GRIN2A: variants seen among roughly 807,000 people sequenced by gnomAD.
GRIN2A encodes the protein glutamate receptor ionotropic, NMDA 2A.
In GRIN2A, 22 loss-of-function variants were observed where a neutral mutation model predicts 113.4. The observed-to-expected ratio is 0.19, with a 90% CI of 0.14 to 0.28. GRIN2A has a LOEUF of 0.28. GRIN2A is among the 10% of genes least tolerant of loss of function. GRIN2A has a pLI of 1.00. For missense variants in GRIN2A, 1,502 were observed against 1,887.0 expected, an observed-to-expected ratio of 0.80 and a Z score of 3.78; for synonymous variants, 827 against 738.4, an observed-to-expected ratio of 1.12 and a Z score of -1.94.
intron 2 of GRIN2A, among the ~76,000 whole-genome samples, chr16:9,987,451 A>G (rs1044407100): frequency 2.6e-5 from 4 of 152,238 alleles, no homozygotes; most frequent in African/African-American, 9.6e-5. Flanking sequence ...CCTATTCACT[A>G]AGAATAGTAG....
chr16:10,122,282 T>C (rs1409113340), intron 2 of GRIN2A, among the ~76,000 whole-genome samples: 1 of 152,196 alleles, frequency 6.6e-6, no homozygotes, highest in Admixed American at 6.5e-5. Context: ...CAAGATCCCC[T>C]TTTTTAGCAT....
intron 2 of GRIN2A, among the ~76,000 whole-genome samples, chr16:10,073,659 A>G (rs998376188): frequency 2.6e-5 from 4 of 152,152 alleles, no homozygotes; most frequent in Admixed American, 6.5e-5. Flanking sequence ...TGTCAAAATT[A>G]AAAACTTTTA....
At chr16:9,897,139 G>A (rs2141501412) in intron 3 of GRIN2A, among the ~76,000 whole-genome samples, 1 of 151,436 alleles carries the variant, frequency 6.6e-6, no homozygotes, top group East Asian at 1.9e-4. Context: ...TCATCCACTG[G>A]TGGTAAAGTG....
intron 4 of GRIN2A, among the ~76,000 whole-genome samples, chr16:9,889,409 G>A (rs547716927): frequency 3.4e-4 from 51 of 152,104 alleles, no homozygotes; most frequent in Non-Finnish European, 6.5e-4. Context: ...TCATTTCAAA[G>A]AACTAGCTTT....
At chr16:9,987,396 ATGT>A (rs1440446496) in intron 2 of GRIN2A, among the ~76,000 whole-genome samples, 1 of 152,222 alleles carries the variant, frequency 6.6e-6, no homozygotes. Context: ...AGCTAGAATA[ATGT>A]TGTTTTCTTT....
intron 4 of GRIN2A, among the ~76,000 whole-genome samples, chr16:9,874,464 G>A (rs1330038642): frequency 1.3e-5 from 2 of 152,284 alleles, no homozygotes; most frequent in Non-Finnish European, 1.5e-5. Context: ...GGTTCAGCAG[G>A]GAATCTTGTA....
At chr16:10,017,856 A>G (rs539146822) in intron 2 of GRIN2A, among the ~76,000 whole-genome samples, 5 of 152,302 alleles carry the variant, frequency 3.3e-5, no homozygotes, top group African/African-American at 1.2e-4. Context: ...TTAAATAAAG[A>G]CAAGATCCGA....
intron 2 of GRIN2A, among the ~76,000 whole-genome samples, chr16:10,096,854 TC>T (rs2048303827): frequency 6.6e-6 from 1 of 152,036 alleles, no homozygotes; most frequent in Admixed American, 6.6e-5. Flanking sequence ...TCTCCATCAC[TC>T]TCAAGCCACA....
chr16:9,778,583 A>G (rs947304427), intron 11 of GRIN2A, among the ~76,000 whole-genome samples: 7 of 152,250 alleles, frequency 4.6e-5, no homozygotes, highest in Admixed American at 1.3e-4. Context: ...TTTGAGAGCC[A>G]CTGGCTAAAC....
intron 10 of GRIN2A, among the ~76,000 whole-genome samples, chr16:9,812,164 T>C (rs1031269276): frequency 5.3e-5 from 8 of 152,204 alleles, no homozygotes; most frequent in Non-Finnish European, 7.3e-5. Context: ...TGGCGTAAGA[T>C]TGATCCCAGA....
At chr16:9,853,197 A>G (rs1319301976) in intron 4 of GRIN2A, among the ~76,000 whole-genome samples, 3 of 152,160 alleles carry the variant, frequency 2.0e-5, no homozygotes. Context: ...ATAGGTGGAG[A>G]CCAGAAAATG....
intron 8 of GRIN2A, among the ~76,000 whole-genome samples, 153 bp downstream of exon 8, chr16:9,833,952 C>A (rs879429650): frequency 6.6e-6 from 1 of 152,158 alleles, no homozygotes; most frequent in Non-Finnish European, 1.5e-5. Context: ...CTCCTGACCT[C>A]ATGATCCACC....
intron 2 of GRIN2A, among the ~76,000 whole-genome samples, chr16:10,012,244 G>C (rs999902151): frequency 2.0e-5 from 3 of 152,122 alleles, no homozygotes; most frequent in African/African-American, 7.2e-5. Context: ...ATTCAATGTT[G>C]AATTGAACTG....
intron 2 of GRIN2A, among the ~76,000 whole-genome samples, chr16:10,151,460 A>G (rs2049570019): frequency 6.6e-6 from 1 of 152,204 alleles, no homozygotes; most frequent in South Asian, 2.1e-4. Flanking sequence ...TGAAAATCAA[A>G]TGTTCCTTCA....
intron 2 of GRIN2A, among the ~76,000 whole-genome samples, chr16:10,059,996 A>G (rs1201276245): frequency 2.0e-5 from 3 of 152,148 alleles, no homozygotes; most frequent in Admixed American, 6.5e-5. Flanking sequence ...AGACATTACC[A>G]AAGTTCAGAA....
chr16:10,172,789 T>C (rs189993674), intron 2 of GRIN2A, among the ~76,000 whole-genome samples: 4 of 152,328 alleles, frequency 2.6e-5, no homozygotes, highest in Admixed American at 2.0e-4. Context: ...AGTTGAAAGA[T>C]CAAGGATGGG....
intron 2 of GRIN2A, among the ~76,000 whole-genome samples, chr16:9,972,731 G>C (rs1050210985): frequency 6.6e-6 from 1 of 152,220 alleles, no homozygotes; most frequent in South Asian, 2.1e-4. Flanking sequence ...TAAATTGACA[G>C]AGTGAGATCT....
intron 2 of GRIN2A, chr16:10,111,325 G>A: frequency 2.6e-6 from 1 of 384,308 alleles, no homozygotes; most frequent in Non-Finnish European, 4.9e-6. Context: ...AGCAGCAGCG[G>A]CAGCAGCGGC....
At chr16:10,018,734 G>A (rs376899521) in intron 2 of GRIN2A, among the ~76,000 whole-genome samples, 14 of 152,100 alleles carry the variant, frequency 9.2e-5, no homozygotes, top group African/African-American at 2.7e-4. Context: ...CCCCAGCTCC[G>A]CTTTCACCAT....
Sources: gnomAD v4.1 joint callset for allele counts (sites outside exome capture counted in the v4.1 genomes callset) on GRCh38, gnomAD v4.1.1 for gene constraint, MANE v1.5 for transcripts, NCBI Gene and HGNC (gene_info 2026-07-23, HGNC 2026-07-21) for gene names.